Variants in BRINP3 observed in about 807,000 individuals in gnomAD.
BRINP3 encodes the protein BMP/retinoic acid-inducible neural-specific protein 3.
Under a neutral mutation model 71.0 loss-of-function variants are expected in BRINP3, and 19 were observed. That is an observed-to-expected ratio of 0.27 (90% confidence interval 0.19 to 0.39). The LOEUF (loss-of-function observed/expected upper bound fraction) is 0.39. BRINP3 is among the 10% of genes least tolerant of loss of function. BRINP3 has a pLI of 1.00. For synonymous variants in BRINP3, 380 were observed against 337.7 expected (o/e 1.13, Z -1.37); for missense variants, 959 against 940.8 (o/e 1.02, Z -0.25).
At chr1:190,191,813 T>A (rs2102576093) in intron 6 of BRINP3, among the ~76,000 whole-genome samples, 1 of 152,244 alleles carries the variant, frequency 6.6e-6, no homozygotes, top group Middle Eastern at 3.4e-3. Context: ...AAATCTTACA[T>A]ATTCTTATAA....
intron 6 of BRINP3, among the ~76,000 whole-genome samples, chr1:190,195,866 T>C (rs558577753): frequency 2.6e-5 from 4 of 152,244 alleles, no homozygotes; most frequent in Admixed American, 2.6e-4. Flanking sequence ...AAAAGCTTGT[T>C]ATCTCCACTT....
At chr1:190,116,886 A>T (rs1653180977) in intron 7 of BRINP3, among the ~76,000 whole-genome samples, 2 of 152,032 alleles carry the variant, frequency 1.3e-5, no homozygotes, top group Admixed American at 6.6e-5. Flanking sequence ...CAATTTTTTT[A>T]CATCACTGTC....
At chr1:190,174,207 T>C (rs976754572) in intron 6 of BRINP3, among the ~76,000 whole-genome samples, 4 of 152,182 alleles carry the variant, frequency 2.6e-5, no homozygotes, top group African/African-American at 9.6e-5. Flanking sequence ...CTCTGCTCTA[T>C]TGACTCCCTT....
intron 2 of BRINP3, among the ~76,000 whole-genome samples, chr1:190,396,712 TGA>T (rs1558249094): frequency 2.6e-5 from 1 of 38,306 alleles, no homozygotes; most frequent in African/African-American, 9.7e-5. Flanking sequence ...CCTAATTTAA[TGA>T]TATATATATA....
At chr1:190,450,192 T>C (rs187145761) in intron 2 of BRINP3, among the ~76,000 whole-genome samples, 1 of 152,270 alleles carries the variant, frequency 6.6e-6, no homozygotes, top group Admixed American at 6.5e-5. Flanking sequence ...AGCTGCGAAG[T>C]TGCTATTAGG....
intron 6 of BRINP3, among the ~76,000 whole-genome samples, chr1:190,178,641 C>T (rs1368870356): frequency 6.6e-6 from 1 of 152,118 alleles, no homozygotes; most frequent in Non-Finnish European, 1.5e-5. Context: ...GCATACATGA[C>T]TGTTTTGCCA....
At chr1:190,390,338 A>T (rs1405061932) in intron 2 of BRINP3, among the ~76,000 whole-genome samples, 1 of 151,708 alleles carries the variant, frequency 6.6e-6, no homozygotes, top group African/African-American at 2.4e-5. Context: ...ATTATGAAGC[A>T]ATTATAGATA....
intron 2 of BRINP3, among the ~76,000 whole-genome samples, chr1:190,303,575 T>C (rs888833962): frequency 6.6e-6 from 1 of 151,804 alleles, no homozygotes; most frequent in Non-Finnish European, 1.5e-5. Flanking sequence ...AAAATTGCAA[T>C]TAAGTATTCT....
chr1:190,120,798 G>A (rs768957835), intron 7 of BRINP3, among the ~76,000 whole-genome samples: 4 of 151,804 alleles, frequency 2.6e-5, no homozygotes, highest in South Asian at 2.1e-4. Context: ...CACGGCACCC[G>A]GCCCAAACCT....
chr1:190,161,309 T>C lies in BRINP3; in HGVS notation c.962-419A>G, dbSNP rs1002950248. The stretch of plus-strand genomic sequence containing the variant: ...GTATATTTAAAAACCTTTTCAGAAA[T>C]TTTTATTAAATCAGAATAGAAAATA... On this transcript the variant is annotated intron_variant, in intron 6 of 7. Transcript: ENST00000367462. Among the ~76,000 whole-genome samples, 75 of 151,872 alleles carry C rather than the reference T, an allele frequency of 4.9e-4. 3 individuals carry two copies. Among genetic ancestry groups the C allele is most frequent in the Non-Finnish European group, 2.2e-4 (15 of 67,906 alleles).
At chr1:190,333,551 T>A (rs898177851) in intron 2 of BRINP3, among the ~76,000 whole-genome samples, 1 of 151,956 alleles carries the variant, frequency 6.6e-6, no homozygotes, top group Non-Finnish European at 1.5e-5. Flanking sequence ...AATGATCAAA[T>A]TATATATTAA....
intron 6 of BRINP3, among the ~76,000 whole-genome samples, chr1:190,185,038 C>T (rs1366281944): frequency 6.6e-6 from 1 of 152,044 alleles, no homozygotes; most frequent in Non-Finnish European, 1.5e-5. Flanking sequence ...ATGACATTTG[C>T]CTTGCCAATT....
At chr1:190,124,576 T>A (rs1653940915) in intron 7 of BRINP3, among the ~76,000 whole-genome samples, 1 of 152,146 alleles carries the variant, frequency 6.6e-6, no homozygotes, top group Non-Finnish European at 1.5e-5. Flanking sequence ...CTGATGGTAT[T>A]TTAAAAAATC....
chr1:190,392,888 A>G (rs2102313096), intron 2 of BRINP3, among the ~76,000 whole-genome samples: 1 of 151,776 alleles, frequency 6.6e-6, no homozygotes, highest in East Asian at 1.9e-4. Flanking sequence ...AAAATGAAAT[A>G]CTTGTTTAAA....
At chr1:190,305,330 A>G (rs1665019076) in intron 2 of BRINP3, among the ~76,000 whole-genome samples, 3 of 151,838 alleles carry the variant, frequency 2.0e-5, no homozygotes, top group Non-Finnish European at 4.4e-5. Flanking sequence ...TATTGACAAT[A>G]TCCAAGATAT....
intron 7 of BRINP3, among the ~76,000 whole-genome samples, chr1:190,125,323 C>T (rs1571769875): frequency 6.6e-6 from 1 of 151,022 alleles, no homozygotes; most frequent in Admixed American, 6.6e-5. Context: ...TATATATATA[C>T]ATATTACATA....
At chr1:190,151,766 T>A (rs1372327586) in intron 7 of BRINP3, among the ~76,000 whole-genome samples, 4 of 152,056 alleles carry the variant, frequency 2.6e-5, no homozygotes, top group Non-Finnish European at 4.4e-5. Context: ...AGAAGACAAC[T>A]AAAGAGGTGA....
chr1:190,174,103 A>T (rs1025143240), intron 6 of BRINP3, among the ~76,000 whole-genome samples: 28 of 152,306 alleles, frequency 1.8e-4, no homozygotes, highest in African/African-American at 6.5e-4. Flanking sequence ...AAAGAATAAC[A>T]AAATAATCAC....
At chr1:190,400,696 T>G (rs2102353827) in intron 2 of BRINP3, among the ~76,000 whole-genome samples, 1 of 152,292 alleles carries the variant, frequency 6.6e-6, no homozygotes, top group African/African-American at 2.4e-5. Flanking sequence ...AAAACACTAA[T>G]TTTGTTCATT....
Sources: gnomAD v4.1 joint callset for allele counts (sites outside exome capture counted in the v4.1 genomes callset) on GRCh38, gnomAD v4.1.1 for gene constraint, MANE v1.5 for transcripts, NCBI Gene and HGNC (gene_info 2026-07-23, HGNC 2026-07-21) for gene names.